The following CREB3L2 variants were observed in gnomAD, a reference collection of about 807,000 sequenced individuals.
CREB3L2 encodes cAMP responsive element binding protein 3 like 2, also known as cyclic AMP-responsive element-binding protein 3-like protein 2.
Under a neutral mutation model 57.2 loss-of-function variants are expected in CREB3L2, and 23 were observed. That is an observed-to-expected ratio of 0.40 (90% CI 0.29 to 0.57). The LOEUF (loss-of-function observed/expected upper bound fraction) is 0.57, where lower values mean the gene tolerates loss of function less well. CREB3L2 is among the 20% of genes least tolerant of loss of function. CREB3L2 has a pLI of 0.42. For missense variants in CREB3L2, 628 were observed against 634.7 expected, an observed-to-expected ratio of 0.99 and a Z score of 0.11; for synonymous variants, 268 against 265.1, an observed-to-expected ratio of 1.01 and a Z score of -0.11.
chr7:137,985,183 C>T (rs766866867), intron 1 of CREB3L2, among the ~76,000 whole-genome samples: 7 of 152,130 alleles, frequency 4.6e-5, no homozygotes, highest in Non-Finnish European at 8.8e-5. Context: ...ATTCACACGC[C>T]AGAATCTCCA....
chr7:137,943,384 AG>A (rs35215415), intron 1 of CREB3L2, among the ~76,000 whole-genome samples: 13,774 of 152,254 alleles, frequency 0.09, 909 homozygotes, highest in Admixed American at 0.22. Flanking sequence ...ACAGCTGGGC[AG>A]TACTGGGTGA....
At chr7:137,949,523 T>C (rs1585651693) in intron 1 of CREB3L2, among the ~76,000 whole-genome samples, 1 of 152,306 alleles carries the variant, frequency 6.6e-6, no homozygotes, top group African/African-American at 2.4e-5. Flanking sequence ...ATTTCGCTTT[T>C]CCCATGGATC....
At chr7:137,886,472 G>GAGA (rs1178329289) in intron 8 of CREB3L2, among the ~76,000 whole-genome samples, 1 of 151,794 alleles carries the variant, frequency 6.6e-6, no homozygotes, top group Non-Finnish European at 1.5e-5. Context: ...CAGGTTAGAA[G>GAGA]AGAGAGAGAG....
Position 137,885,389 on chromosome 7 carries a change from G to T in CREB3L2, c.1143+14C>A, listed in dbSNP as rs752550964. On this transcript the variant is annotated intron_variant, in intron 9 of 11. Transcript: ENST00000330387. ...CCAGGGGCGGTCACTGTGCTACCCT[G>T]CTGGGAAGCTCACCATGAGGCAGGT... 2 of 1,609,206 alleles carry T rather than the reference G, an allele frequency of 1.2e-6. No individual in the cohort carries two copies. The highest frequency in any genetic ancestry group is 1.1e-5 in the South Asian group (1 of 90,952).
intron 4 of CREB3L2, 103 bp downstream of exon 4, chr7:137,912,888 C>A: frequency 6.4e-7 from 1 of 1,559,148 alleles, no homozygotes; most frequent in South Asian, 1.2e-5. Flanking sequence ...CCAGCTACAA[C>A]ATCTGTGGTA....
At chr7:137,972,700 A>C (rs58282306) in intron 1 of CREB3L2, among the ~76,000 whole-genome samples, 10 of 38,448 alleles carry the variant, frequency 2.6e-4, no homozygotes, top group Admixed American at 1.2e-3. Flanking sequence ...AAAAAAAAAA[A>C]AAAAAAAAAA....
chr7:137,902,440 C>T lies in CREB3L2; in HGVS notation c.975-1018G>A, dbSNP rs539398681. On this transcript the variant is annotated intron_variant, in intron 7 of 11. Transcript: ENST00000330387. ...ACTTAAGCAAAGGGCAGGACGAGAGCCCAGGACTAGGAATCCTGGTGCTGG... is the reference window on the plus strand; with the variant it reads ...ACTTAAGCAAAGGGCAGGACGAGAGTCCAGGACTAGGAATCCTGGTGCTGG... Among the ~76,000 whole-genome samples, 356 of 152,204 alleles carry T rather than the reference C, an allele frequency of 2.3e-3. 1 individual carries two copies. The highest frequency in any genetic ancestry group is 3.9e-3 in the Non-Finnish European group (267 of 68,014).
At chr7:137,882,370 T>A in intron 11 of CREB3L2, 42 bp downstream of exon 11, 2 of 1,473,932 alleles carry the variant, frequency 1.4e-6, no homozygotes, top group East Asian at 2.3e-5. Context: ...TAACCCACCA[T>A]CAGTGCACTA....
At chr7:137,999,312 G>A (rs1334425509) in intron 1 of CREB3L2, among the ~76,000 whole-genome samples, 4 of 148,790 alleles carry the variant, frequency 2.7e-5, no homozygotes, top group South Asian at 2.2e-4. Flanking sequence ...CTACTTATAC[G>A]TTTTCCATAA....
chr7:137,944,278 T>C (rs1409582184), intron 1 of CREB3L2, among the ~76,000 whole-genome samples: 1 of 150,884 alleles, frequency 6.6e-6, no homozygotes, highest in Admixed American at 6.6e-5. Context: ...GGAACGAAGG[T>C]GCAGCTGGAC....
intron 1 of CREB3L2, among the ~76,000 whole-genome samples, chr7:137,952,323 TG>T (rs896126979): frequency 6.6e-6 from 1 of 152,190 alleles, no homozygotes; most frequent in African/African-American, 2.4e-5. Context: ...AGGTTCTCCT[TG>T]TGTTTGATTT....
At chr7:137,956,621 A>G (rs1801217351) in intron 1 of CREB3L2, 1 of 1,288,978 alleles carries the variant, frequency 7.8e-7, no homozygotes, top group South Asian at 1.2e-5. Context: ...CATGCCGAAT[A>G]TTTCTCGAGA....
intron 1 of CREB3L2, among the ~76,000 whole-genome samples, chr7:137,966,563 T>A (rs918861252): frequency 1.3e-5 from 2 of 152,184 alleles, no homozygotes; most frequent in African/African-American, 4.8e-5. Flanking sequence ...TTACCTCACT[T>A]TTGACTACAG....
At chr7:137,975,714 G>A (rs6943342) in intron 1 of CREB3L2, among the ~76,000 whole-genome samples, 57,751 of 151,952 alleles carry the variant, frequency 0.38, 13,528 homozygotes, top group African/African-American at 0.67. Flanking sequence ...GTTAGAGCCC[G>A]AAACTAAATT....
intron 1 of CREB3L2, among the ~76,000 whole-genome samples, chr7:137,942,400 C>T (rs1319883707): frequency 6.6e-6 from 1 of 152,112 alleles, no homozygotes; most frequent in African/African-American, 2.4e-5. Flanking sequence ...TCCTGTCATC[C>T]CTTTTGGAAC....
At chr7:137,970,721 T>G (rs948027652) in intron 1 of CREB3L2, among the ~76,000 whole-genome samples, 59 of 152,294 alleles carry the variant, frequency 3.9e-4, no homozygotes, top group African/African-American at 1.4e-3. Flanking sequence ...GTAACTGCCT[T>G]GATGACTGGC....
chr7:137,957,675 T>G, intron 1 of CREB3L2: 1 of 813,326 alleles, frequency 1.2e-6, no homozygotes. Context: ...GAAGAATATA[T>G]TAATAACCCA....
chr7:137,962,694 G>C (rs567394366), intron 1 of CREB3L2, among the ~76,000 whole-genome samples: 68 of 151,446 alleles, frequency 4.5e-4, no homozygotes, highest in Non-Finnish European at 8.7e-4. Context: ...TCCATAACAT[G>C]AATCGCCCCC....
chr7:137,910,705 G>A lies in CREB3L2; in HGVS notation c.584-2269C>T, dbSNP rs530434837. ...GTAGGGGCCAAATTATTCTAATACC[G>A]TTCTCCCGTCCAAGCAGAGGGCACC... On this transcript the variant is annotated intron_variant, in intron 4 of 11. Transcript: ENST00000330387. Among the ~76,000 whole-genome samples, 27 of 152,046 alleles carry A rather than the reference G, an allele frequency of 1.8e-4. No homozygotes were observed. In the East Asian group the frequency reaches 1.9e-3, roughly 11 times the overall value.
Sources: allele counts gnomAD v4.1 joint callset (sites outside exome capture counted in the v4.1 genomes callset), GRCh38; gene constraint gnomAD v4.1.1; transcripts MANE v1.5; gene names NCBI Gene and HGNC (gene_info 2026-07-23, HGNC 2026-07-21).